The following MGAT4C variants were observed in gnomAD, a reference collection of about 807,000 sequenced individuals.
The protein encoded by MGAT4C is alpha-1,3-mannosyl-glycoprotein 4-beta-N-acetylglucosaminyltransferase C.
Under a neutral mutation model 40.1 loss-of-function variants are expected in MGAT4C, and 19 were observed. The ratio of observed to expected loss-of-function variants is 0.47; its 90% confidence interval spans 0.33 to 0.70. The LOEUF is 0.70. Ranked by LOEUF, MGAT4C falls within the 30% of genes least tolerant of loss-of-function variation. The pLI, the probability that MGAT4C is intolerant of heterozygous loss-of-function variation, is 0.02. For missense variants in MGAT4C, 491 were observed against 563.2 expected, an observed-to-expected ratio of 0.87 and a Z score of 1.30; for synonymous variants, 181 against 187.1, an observed-to-expected ratio of 0.97 and a Z score of 0.27.
Position 86,721,290 on chromosome 12 carries a change from G to T in MGAT4C, c.-229+5919C>A, listed in dbSNP as rs1233700879. ...AAAGAATGACCTTGCAGGACCTGAA[G>T]ATTTTAGTCAAGGCTTGGGTGCATT... On this transcript the variant is annotated intron_variant, in intron 2 of 7. Transcript: ENST00000548651. Among the ~76,000 whole-genome samples the T allele has an allele frequency of 2.6e-5, 4 of 152,144 alleles. No homozygotes were observed. The East Asian group carries it at 5.8e-4, about 22-fold the overall frequency.
chr12:86,239,412 C>T (rs1431276884), intron 1 of MGAT4C, among the ~76,000 whole-genome samples: 2 of 152,064 alleles, frequency 1.3e-5, no homozygotes, highest in East Asian at 3.9e-4. Flanking sequence ...AGCCATCTCT[C>T]TCTCTCTCTC....
At chr12:86,108,629 T>G (rs1340651984) in intron 1 of MGAT4C, among the ~76,000 whole-genome samples, 7 of 152,120 alleles carry the variant, frequency 4.6e-5, no homozygotes, top group African/African-American at 1.7e-4. Context: ...AGGCTGACAC[T>G]TGGGTGACTT....
intron 1 of MGAT4C, among the ~76,000 whole-genome samples, chr12:86,089,389 T>G (rs1464868874): frequency 6.6e-6 from 1 of 151,912 alleles, no homozygotes; most frequent in Non-Finnish European, 1.5e-5. Context: ...AGATTTTGTG[T>G]CTGTTCTATA....
intron 2 of MGAT4C, among the ~76,000 whole-genome samples, chr12:86,581,812 A>G (rs1430041241): frequency 6.6e-6 from 1 of 151,458 alleles, no homozygotes; most frequent in Non-Finnish European, 1.5e-5. Flanking sequence ...GTGAAAATAC[A>G]TAACCACAAA....
chr12:86,348,407 A>C (rs1955086568), intron 3 of MGAT4C, among the ~76,000 whole-genome samples: 1 of 149,794 alleles, frequency 6.7e-6, no homozygotes, highest in Non-Finnish European at 1.5e-5. Flanking sequence ...CCTAGTTGGG[A>C]TTTTTTTTTT....
chr12:86,508,599 G>T (rs1958514900), intron 2 of MGAT4C, among the ~76,000 whole-genome samples: 1 of 151,016 alleles, frequency 6.6e-6, no homozygotes, highest in African/African-American at 2.4e-5. Context: ...GGGTCAAATG[G>T]TATTTCTAGT....
rs192484569 is a variant in MGAT4C at position 86,163,174 on chromosome 12, T to C, written c.-57+93065A>G. 2.6e-4 allele frequency among the ~76,000 whole-genome samples: 39 copies of C among 152,086 alleles called. 1 individual carries two copies. Among genetic ancestry groups the C allele is most frequent in the African/African-American group, 9.4e-4 (39 of 41,504 alleles). ...CACACTTTTCTCATGATATTGACAT[T>C]ATAGAACAACAATTAGAAATCATCC... On this transcript the variant is annotated intron_variant, in intron 1 of 4. Coordinates refer to ENST00000611864, the MANE Select transcript of MGAT4C (RefSeq NM_001351288.2).
At chr12:86,353,683 G>A (rs1051707583) in intron 3 of MGAT4C, among the ~76,000 whole-genome samples, 7 of 152,184 alleles carry the variant, frequency 4.6e-5, no homozygotes, top group African/African-American at 1.2e-4. Context: ...GGTGGCATCA[G>A]TGGACTTGCT....
chr12:86,677,612 G>C (rs956015860), intron 2 of MGAT4C, among the ~76,000 whole-genome samples: 1 of 151,998 alleles, frequency 6.6e-6, no homozygotes, highest in Non-Finnish European at 1.5e-5. Context: ...AGTTAATACA[G>C]ATCTCAGTAT....
intron 2 of MGAT4C, among the ~76,000 whole-genome samples, chr12:86,694,821 A>G (rs1008217965): frequency 1.2e-4 from 19 of 152,188 alleles, no homozygotes; most frequent in African/African-American, 4.3e-4. Context: ...TACAACGAGA[A>G]AACCTCTGGG....
chr12:86,622,628 C>T (rs1962675529), intron 2 of MGAT4C, among the ~76,000 whole-genome samples: 3 of 152,012 alleles, frequency 2.0e-5, no homozygotes, highest in African/African-American at 4.8e-5. Flanking sequence ...AAGCAAGACT[C>T]ACAATAATAA....
At chr12:85,996,874 C>G (rs1006822464) in intron 2 of MGAT4C, among the ~76,000 whole-genome samples, 1 of 152,156 alleles carries the variant, frequency 6.6e-6, no homozygotes, top group Non-Finnish European at 1.5e-5. Context: ...AAATATTCCT[C>G]CCTCAATAAT....
chr12:85,965,596 CA>C lies in MGAT4C; in HGVS notation c.*13692del, dbSNP rs770451333. 0.33 allele frequency: 18,835 copies of C among 57,858 alleles called. 586 individuals are homozygous for C. Among genetic ancestry groups the C allele is most frequent in the Middle Eastern group, 0.38 (28 of 74 alleles). 3.6% of individuals were successfully genotyped at this position (57,858 alleles called of 1,614,324 possible). A position where few individuals can be genotyped will look rare whatever the true frequency, so the allele number is the denominator to read the frequency against. The stretch of plus-strand genomic sequence containing the variant: ...TGGGCAAAAGAGTGAGACTCTGTCT[CA>C]AAAAAAAAAAAAAAAAAAAAAAAGG... On this transcript the variant is annotated 3_prime_UTR_variant, in exon 5 of 5. Transcript: ENST00000611864.
intron 3 of MGAT4C, among the ~76,000 whole-genome samples, chr12:86,343,455 GT>G (rs369933875): frequency 8.6e-5 from 13 of 151,634 alleles, no homozygotes; most frequent in Admixed American, 6.6e-5. Flanking sequence ...TCCTAAAACT[GT>G]TTTTTTTAAC....
chr12:86,629,299 T>C (rs1461121629), intron 2 of MGAT4C, among the ~76,000 whole-genome samples: 1 of 152,014 alleles, frequency 6.6e-6, no homozygotes, highest in Non-Finnish European at 1.5e-5. Flanking sequence ...CACAAAATAG[T>C]ATAGGGAGAA....
chr12:86,240,032 AAAAAAAT>A (rs199524129), intron 1 of MGAT4C, among the ~76,000 whole-genome samples: 86,641 of 141,582 alleles, frequency 0.61, 26,846 homozygotes, highest in East Asian at 0.91. Context: ...ATAATAAAAA[AAAAAAAT>A]AAAAAATAAA....
intron 1 of MGAT4C, among the ~76,000 whole-genome samples, chr12:86,776,364 G>GT (rs571977855): frequency 0.01 from 1,499 of 149,466 alleles, 9 homozygotes; most frequent in Non-Finnish European, 0.014. Context: ...ACTTATAACA[G>GT]TTTTTTTTTT....
intron 1 of MGAT4C, among the ~76,000 whole-genome samples, chr12:86,183,055 C>A (rs781584573): frequency 6.6e-6 from 1 of 152,094 alleles, no homozygotes; most frequent in South Asian, 2.1e-4. Flanking sequence ...GCACTGTTAC[C>A]ATTTTTCTTC....
intron 4 of MGAT4C, among the ~76,000 whole-genome samples, chr12:86,320,050 T>C (rs1435317429): frequency 2.0e-5 from 3 of 152,138 alleles, no homozygotes; most frequent in Non-Finnish European, 4.4e-5. Context: ...GACAGACTGA[T>C]ATCTGCAGTT....
Sources: allele counts gnomAD v4.1 joint callset (sites outside exome capture counted in the v4.1 genomes callset), GRCh38; gene constraint gnomAD v4.1.1; transcripts MANE v1.5; gene names NCBI Gene and HGNC (gene_info 2026-07-23, HGNC 2026-07-21).